The following PRKD1 variants were observed in gnomAD, a reference collection of about 807,000 sequenced individuals.
PRKD1 encodes the protein protein kinase D1, also known as serine/threonine-protein kinase D1.
Under a neutral mutation model 95.9 loss-of-function variants are expected in PRKD1, and 63 were observed. The ratio of observed to expected loss-of-function variants is 0.66; its 90% CI spans 0.54 to 0.81. PRKD1 has a LOEUF of 0.81. Among genes scored for constraint, PRKD1 ranks in the 30% least tolerant of loss-of-function variants. The pLI is 0.00. For synonymous variants in PRKD1, 425 were observed against 423.1 expected (o/e 1.00, Z -0.05); for missense variants, 1,048 against 1,165.3 (o/e 0.90, Z 1.47).
intron 2 of PRKD1, among the ~76,000 whole-genome samples, chr14:29,718,481 C>A (rs1055157075): frequency 6.6e-6 from 1 of 152,060 alleles, no homozygotes; most frequent in Non-Finnish European, 1.5e-5. Context: ...ATCTTTATAG[C>A]AGTGTGAAAA....
At chr14:29,616,623 A>C (rs955552427) in intron 13 of PRKD1, among the ~76,000 whole-genome samples, 3 of 151,984 alleles carry the variant, frequency 2.0e-5, no homozygotes, top group African/African-American at 7.2e-5. Context: ...TTTATTAAAC[A>C]ATACAGATTT....
rs370698741 is a variant in PRKD1, at chr14:29,749,075, C to T, written c.265-23401G>A. ...ATAAGTAGGAGTGGAATAAAAAAGA[C>T]TGTATTGTCTTTTATGCTTTTCTGC... On this transcript the variant is annotated intron_variant, in intron 1 of 17. Transcript: ENST00000331968. Among the ~76,000 whole-genome samples the T allele has an allele frequency of 7.9e-5, 12 of 152,170 alleles. No homozygotes were observed. The South Asian group carries it at 1.2e-3, about 16-fold the overall frequency.
At chr14:29,650,156 G>T (rs1452436605) in intron 4 of PRKD1, 1 of 152,258 alleles carries the variant, frequency 6.6e-6, no homozygotes, top group African/African-American at 2.4e-5. Flanking sequence ...TCCTGTCTCT[G>T]TTGGGGTGTG....
intron 13 of PRKD1, among the ~76,000 whole-genome samples, chr14:29,600,407 T>C (rs750982130): frequency 5.1e-4 from 77 of 152,122 alleles, no homozygotes; most frequent in Non-Finnish European, 8.7e-4. Flanking sequence ...CCTGCTTGGT[T>C]TTCAAGCACG....
chr14:29,859,607 C>CAA (rs60316151), intron 1 of PRKD1, among the ~76,000 whole-genome samples: 3 of 124,574 alleles, frequency 2.4e-5, no homozygotes, highest in Non-Finnish European at 3.5e-5. Flanking sequence ...GACTCTGTCT[C>CAA]AAAAAAAAAA....
At chr14:29,829,114 G>A (rs528669651) in intron 1 of PRKD1, among the ~76,000 whole-genome samples, 1 of 152,164 alleles carries the variant, frequency 6.6e-6, no homozygotes, top group African/African-American at 2.4e-5. Flanking sequence ...AATCATCCCT[G>A]GCCACAAGCC....
intron 1 of PRKD1, among the ~76,000 whole-genome samples, chr14:29,888,710 C>A (rs909890186): frequency 1.3e-5 from 2 of 152,022 alleles, no homozygotes; most frequent in African/African-American, 2.4e-5. Context: ...GCAAAAAAAA[C>A]CAGACACACC....
intron 16 of PRKD1, among the ~76,000 whole-genome samples, chr14:29,579,222 T>C (rs150395187): frequency 6.6e-6 from 1 of 152,180 alleles, no homozygotes; most frequent in African/African-American, 2.4e-5. Context: ...ATATTTTCAG[T>C]ATACGTCATT....
intron 8 of PRKD1, among the ~76,000 whole-genome samples, 182 bp downstream of exon 8, chr14:29,634,236 C>T (rs998160200): frequency 9.2e-5 from 14 of 152,148 alleles, no homozygotes; most frequent in Non-Finnish European, 1.6e-4. Flanking sequence ...TTCCTAACTT[C>T]GTTGCTTGCT....
At chr14:29,588,799 TGTGTG>T (rs1566469788) in intron 16 of PRKD1, among the ~76,000 whole-genome samples, 3 of 43,870 alleles carry the variant, frequency 6.8e-5, no homozygotes, top group African/African-American at 2.1e-4. Context: ...GTTGTGTGTG[TGTGTG>T]TGTGTGTGTG....
At chr14:29,791,686 G>A (rs1889553606) in intron 1 of PRKD1, among the ~76,000 whole-genome samples, 1 of 152,006 alleles carries the variant, frequency 6.6e-6, no homozygotes, top group Non-Finnish European at 1.5e-5. Context: ...ATATCCTATT[G>A]TATGGATATG....
chr14:29,626,054 A>G (rs796993856), intron 12 of PRKD1, among the ~76,000 whole-genome samples: 15 of 152,286 alleles, frequency 9.8e-5, no homozygotes, highest in African/African-American at 3.6e-4. Flanking sequence ...TCAAACCTTC[A>G]GGAAACAAAT....
At chr14:29,770,553 G>A (rs1381118574) in intron 1 of PRKD1, among the ~76,000 whole-genome samples, 2 of 152,156 alleles carry the variant, frequency 1.3e-5, no homozygotes, top group Non-Finnish European at 2.9e-5. Flanking sequence ...TATTGGAAAT[G>A]GAAGCAAAGG....
At chr14:29,745,834 A>G (rs1207400349) in intron 1 of PRKD1, among the ~76,000 whole-genome samples, 2 of 152,122 alleles carry the variant, frequency 1.3e-5, no homozygotes, top group South Asian at 2.1e-4. Flanking sequence ...TGATTTATCA[A>G]TGGAGGGTTC....
At chr14:29,622,909 TA>T (rs1326628528) in intron 13 of PRKD1, among the ~76,000 whole-genome samples, 4 of 152,220 alleles carry the variant, frequency 2.6e-5, no homozygotes, top group African/African-American at 9.6e-5. Context: ...ATATCTCCTG[TA>T]CGCATGCTAA....
chr14:29,801,085 T>TTGTG (rs924129623), intron 1 of PRKD1, among the ~76,000 whole-genome samples: 2 of 151,042 alleles, frequency 1.3e-5, no homozygotes, highest in African/African-American at 4.9e-5. Context: ...GTGTGTGTGT[T>TTGTG]TGTGTGTGTG....
intron 16 of PRKD1, 74 bp downstream of exon 16, chr14:29,597,417 A>G: frequency 7.4e-7 from 1 of 1,354,236 alleles, no homozygotes; most frequent in Non-Finnish European, 9.8e-7. Flanking sequence ...ATAATTTACA[A>G]TTAAATTAAT....
chr14:29,743,158 T>C (rs918391250), intron 1 of PRKD1, among the ~76,000 whole-genome samples: 1 of 152,212 alleles, frequency 6.6e-6, no homozygotes, highest in South Asian at 2.1e-4. Context: ...CAAACTTTTC[T>C]TGAGGGAAAT....
At chr14:29,680,676 C>T (rs1883490402) in intron 2 of PRKD1, among the ~76,000 whole-genome samples, 1 of 152,096 alleles carries the variant, frequency 6.6e-6, no homozygotes, top group African/African-American at 2.4e-5. Flanking sequence ...GGGAATAAGA[C>T]ATTTAAGTGT....
Sources: gnomAD v4.1 joint callset for allele counts (sites outside exome capture counted in the v4.1 genomes callset) on GRCh38, gnomAD v4.1.1 for gene constraint, MANE v1.5 for transcripts, NCBI Gene and HGNC (gene_info 2026-07-23, HGNC 2026-07-21) for gene names.